Variants in MAGI1 observed in about 807,000 individuals in gnomAD.
The protein encoded by MAGI1 is membrane-associated guanylate kinase, WW and PDZ domain-containing protein 1.
In MAGI1, 58 loss-of-function variants were observed where a neutral mutation model predicts 139.9. The ratio of observed to expected loss-of-function variants is 0.41; its 90% CI spans 0.34 to 0.52. The LOEUF (loss-of-function observed/expected upper bound fraction) is 0.52. Among genes scored for constraint, MAGI1 ranks in the 20% least tolerant of loss-of-function variants. The pLI is 0.12. For missense variants in MAGI1, 1,874 were observed against 1,901.6 expected (o/e 0.99, Z 0.27); for synonymous variants, 812 against 737.9 (o/e 1.10, Z -1.63).
At chr3:65,619,697 C>A (rs1385852699) in intron 2 of MAGI1, among the ~76,000 whole-genome samples, 1 of 152,144 alleles carries the variant, frequency 6.6e-6, no homozygotes, top group Non-Finnish European at 1.5e-5. Context: ...TCAAAATAAA[C>A]ACAAATGTGG....
Position 65,871,705 on chromosome 3 carries a change from A to G in MAGI1, c.313+166291T>C, listed in dbSNP as rs78534066. On this transcript the variant is annotated intron_variant, in intron 1 of 22. Coordinates refer to ENST00000402939, the MANE Select transcript of MAGI1 (RefSeq NM_001033057.2). Reference sequence around the variant, plus strand: ...ACTTAAAGTAAGGTGAGCAGGAATCATAACTACTTAGGTTTACCTCTGTGC... The same window carrying G: ...ACTTAAAGTAAGGTGAGCAGGAATCGTAACTACTTAGGTTTACCTCTGTGC... Among the ~76,000 whole-genome samples, 942 of 152,368 alleles carry G rather than the reference A, an allele frequency of 6.2e-3. 3 individuals are homozygous for G. Among genetic ancestry groups the G allele is most frequent in the Non-Finnish European group, 0.01 (710 of 68,042 alleles).
chr3:66,014,895 C>T (rs1358969268), intron 1 of MAGI1, among the ~76,000 whole-genome samples: 1 of 152,118 alleles, frequency 6.6e-6, no homozygotes. Context: ...AACATTCCAC[C>T]CCATCTCTAT....
chr3:65,375,313 C>T (rs896231792), intron 18 of MAGI1, among the ~76,000 whole-genome samples: 35 of 152,070 alleles, frequency 2.3e-4, no homozygotes, highest in Non-Finnish European at 4.0e-4. Context: ...CTCAGCCTCC[C>T]GAGCAGCTGG....
chr3:65,530,540 C>G (rs893373615), intron 2 of MAGI1, among the ~76,000 whole-genome samples: 3 of 150,228 alleles, frequency 2.0e-5, no homozygotes, highest in African/African-American at 7.4e-5. Flanking sequence ...TTGCTTCAGC[C>G]CAGGAGGCAG....
intron 7 of MAGI1, among the ~76,000 whole-genome samples, chr3:65,446,990 A>G (rs1948721774): frequency 6.6e-6 from 1 of 152,234 alleles, no homozygotes; most frequent in Non-Finnish European, 1.5e-5. Flanking sequence ...TAACAAAAAT[A>G]AAGAAAACCA....
chr3:65,948,263 A>T (rs971883055), intron 1 of MAGI1, among the ~76,000 whole-genome samples: 3 of 152,184 alleles, frequency 2.0e-5, no homozygotes, highest in African/African-American at 7.2e-5. Context: ...CTTTTTAAAA[A>T]TAATTGCTGC....
At chr3:65,769,565 A>T (rs1026425238) in intron 1 of MAGI1, among the ~76,000 whole-genome samples, 6 of 152,204 alleles carry the variant, frequency 3.9e-5, no homozygotes, top group African/African-American at 1.4e-4. Flanking sequence ...CCCAGGCCCC[A>T]TCCAGGTACA....
At chr3:65,614,493 TA>T (rs1479985881) in intron 2 of MAGI1, among the ~76,000 whole-genome samples, 5 of 152,048 alleles carry the variant, frequency 3.3e-5, no homozygotes, top group African/African-American at 7.2e-5. Context: ...TAAAAGGAAA[TA>T]ATGTAAGTAA....
intron 1 of MAGI1, among the ~76,000 whole-genome samples, chr3:65,695,232 T>C (rs1158701231): frequency 6.6e-6 from 1 of 152,150 alleles, no homozygotes; most frequent in Non-Finnish European, 1.5e-5. Flanking sequence ...GGAAAATGAA[T>C]ACAGGATAAA....
At chr3:66,018,117 G>C (rs897714789) in intron 1 of MAGI1, among the ~76,000 whole-genome samples, 1 of 138,022 alleles carries the variant, frequency 7.2e-6, no homozygotes, top group African/African-American at 2.5e-5. Context: ...CTTTGGTGGG[G>C]GGGGGGGGTG....
In MAGI1 at chr3:65,584,145, G is replaced by C. The variant is rs151152421; in HGVS notation, c.430+37827C>G. ...AAAGTGAATTTTTTTCCTTTCCATG[G>C]AAGGTTGTTATCAAGCATTGCCCAG... On this transcript the variant is annotated intron_variant, in intron 2 of 22. Transcript: ENST00000402939. 6.7e-5 allele frequency among the ~76,000 whole-genome samples: 10 copies of C among 149,536 alleles called. No individual in the cohort carries two copies. In the Admixed American group the frequency reaches 6.7e-4, roughly 10 times the overall value.
intron 1 of MAGI1, among the ~76,000 whole-genome samples, chr3:65,826,049 T>C (rs889906729): frequency 1.3e-5 from 2 of 152,064 alleles, no homozygotes; most frequent in Admixed American, 1.3e-4. Context: ...ATTTTATAGG[T>C]ATACCACTTT....
intron 2 of MAGI1, among the ~76,000 whole-genome samples, chr3:65,505,972 A>T (rs919951836): frequency 3.9e-5 from 6 of 152,190 alleles, no homozygotes; most frequent in African/African-American, 1.4e-4. Flanking sequence ...CTCTTCATCA[A>T]TTTAACAGCT....
chr3:65,906,996 C>T (rs191865741), intron 1 of MAGI1, among the ~76,000 whole-genome samples: 131 of 151,672 alleles, frequency 8.6e-4, no homozygotes, highest in Middle Eastern at 6.9e-3. Flanking sequence ...AATGAGATTT[C>T]CCTTTTGTCT....
chr3:65,633,912 T>TA (rs1264494951), intron 1 of MAGI1, among the ~76,000 whole-genome samples: 1 of 152,184 alleles, frequency 6.6e-6, no homozygotes, highest in Non-Finnish European at 1.5e-5. Context: ...AATCTAAAGA[T>TA]ACGGGTGTCT....
intron 1 of MAGI1, among the ~76,000 whole-genome samples, chr3:65,826,736 G>C (rs2042250446): frequency 6.6e-6 from 1 of 152,116 alleles, no homozygotes; most frequent in African/African-American, 2.4e-5. Context: ...ATTAGGATAT[G>C]CTAACCATCT....
intron 5 of MAGI1, among the ~76,000 whole-genome samples, chr3:65,456,526 T>C (rs1339192313): frequency 6.6e-6 from 1 of 152,196 alleles, no homozygotes; most frequent in Non-Finnish European, 1.5e-5. Flanking sequence ...AAAATTTTCA[T>C]TTTAATGATG....
At chr3:65,614,273 C>T (rs2083265251) in intron 2 of MAGI1, among the ~76,000 whole-genome samples, 1 of 152,186 alleles carries the variant, frequency 6.6e-6, no homozygotes, top group Admixed American at 6.5e-5. Context: ...TCCAGTGGTT[C>T]TCTTTTCCAT....
intron 1 of MAGI1, among the ~76,000 whole-genome samples, chr3:65,908,429 C>T (rs944922686): frequency 3.9e-5 from 6 of 151,990 alleles, no homozygotes; most frequent in African/African-American, 1.4e-4. Context: ...GAATTACAGG[C>T]ACCCACTACC....
Sources: allele counts gnomAD v4.1 joint callset (sites outside exome capture counted in the v4.1 genomes callset), GRCh38; gene constraint gnomAD v4.1.1; transcripts MANE v1.5; gene names NCBI Gene and HGNC (gene_info 2026-07-23, HGNC 2026-07-21).